The following TCTN1 variants were observed in gnomAD, a reference collection of about 807,000 sequenced individuals.
The protein encoded by TCTN1 is tectonic-1.
TCTN1 carries 58 observed loss-of-function variants against 65.8 expected under a neutral mutation model. That is an observed-to-expected ratio of 0.88 (90% CI 0.71 to 1.10). The LOEUF (loss-of-function observed/expected upper bound fraction) is 1.10. Among genes scored for constraint, TCTN1 ranks in the 50% least tolerant of loss-of-function variants. TCTN1 has a pLI of 0.00. For synonymous variants in TCTN1, 273 were observed against 289.1 expected (o/e 0.94, Z 0.57); for missense variants, 645 against 719.4 (o/e 0.90, Z 1.18).
In TCTN1 at chr12:110,640,545, T is replaced by C; in HGVS notation, c.978+28T>C. 1.2e-6 allele frequency: 2 copies of C among 1,614,050 alleles called. No individual in the cohort carries two copies. The highest frequency in any genetic ancestry group is 2.2e-5 in the South Asian group (2 of 91,072). ...AGGTGCCGAGTTTGGCTTTGAGAGC[T>C]TGTCTGTGGCAGACTTAAGCCTCTT... is the stretch of plus-strand genomic sequence containing the variant. On this transcript the variant is annotated intron_variant, in intron 8 of 14. Coordinates refer to ENST00000397659, the MANE Select transcript of TCTN1 (RefSeq NM_001082538.3). This position sits in a 1 kb window ranked among gnomAD's most constrained non-coding sequence, Gnocchi z 4.9.
Position 110,649,050 on chromosome 12 carries a change from A to C in TCTN1, c.*9A>C. ...TCTTTTTCTTTCTTTCAGAATGCTC[A>C]GATGCATCAGTTCCTTAATATACAC... is the stretch of plus-strand genomic sequence containing the variant. On this transcript the variant is annotated 3_prime_UTR_variant, in exon 15 of 15. Transcript: ENST00000397659. 1.9e-6 allele frequency: 1 copy of C among 525,536 alleles called. No individual in the cohort carries two copies. The highest frequency in any genetic ancestry group is 2.9e-4 in the Middle Eastern group (1 of 3,488). The allele number at this position is 525,536 out of a possible 1,614,324, so 32.6% of individuals were successfully genotyped here. A position where few individuals can be genotyped will look rare whatever the true frequency, so the allele number is the denominator to read the frequency against.
Position 110,649,053 on chromosome 12 carries a change from T to G in TCTN1, c.*12T>G, listed in dbSNP as rs1360745932. 1.9e-6 allele frequency: 1 copy of G among 532,246 alleles called. No homozygotes were observed. Among genetic ancestry groups the G allele is most frequent in the Non-Finnish European group, 3.6e-6 (1 of 278,428 alleles). 33.0% of individuals were successfully genotyped at this position (532,246 alleles called of 1,614,324 possible). A position where few individuals can be genotyped will look rare whatever the true frequency, so the allele number is the denominator to read the frequency against. On this transcript the variant is annotated 3_prime_UTR_variant, in exon 15 of 15. Transcript: ENST00000397659. The stretch of plus-strand genomic sequence containing the variant: ...TTTTCTTTCTTTCAGAATGCTCAGA[T>G]GCATCAGTTCCTTAATATACACGTG...
chr12:110,633,637 A>G (rs1301353779), intron 5 of TCTN1, among the ~76,000 whole-genome samples: 3 of 151,856 alleles, frequency 2.0e-5, no homozygotes, highest in African/African-American at 7.3e-5. Context: ...ACCCTGTCTC[A>G]AAGAAAAAAA....
Position 110,614,239 on chromosome 12 carries a change from C to A in TCTN1, c.57C>A (p.Ser19=), listed in dbSNP as rs779892252. Reference sequence around the variant, plus strand: ...TGGTGCTCCTGGGCTGCTGGGCCTCCGTGAGCGCCCAGACCGATGCCACCC... The same window carrying A: ...TGGTGCTCCTGGGCTGCTGGGCCTCAGTGAGCGCCCAGACCGATGCCACCC... The part of the protein sequence containing the change: ...LLVVLLGCWA[S]VSAQTDATPA... Residue 19 remains serine, a synonymous_variant, in exon 1 of 15, where the codon TCC becomes TCA. Coordinates refer to ENST00000397659, the MANE Select transcript of TCTN1 (RefSeq NM_001082538.3). The A allele has an allele frequency of 6.3e-7, 1 of 1,591,402 alleles. No individual in the cohort carries two copies. The highest frequency in any genetic ancestry group is 8.5e-7 in the Non-Finnish European group (1 of 1,169,722).
chr12:110,633,608 T>C (rs930155590), intron 5 of TCTN1, among the ~76,000 whole-genome samples: 1 of 149,622 alleles, frequency 6.7e-6, no homozygotes, highest in African/African-American at 2.5e-5. Context: ...CTGCACTCCA[T>C]CCTGGGTGAC....
chr12:110,623,278 T>C (rs1247899843), intron 2 of TCTN1, among the ~76,000 whole-genome samples: 1 of 152,188 alleles, frequency 6.6e-6, no homozygotes, highest in African/African-American at 2.4e-5. Flanking sequence ...AGACCATGAG[T>C]CGTTACCCAG....
At position 110,647,877 on chromosome 12, in the gene TCTN1, C is replaced by A; in HGVS notation, c.1764C>A (p.Phe588Leu). Residue 588 changes from phenylalanine to leucine, a missense_variant, in exon 14 of 15, where the codon TTC becomes TTA. Coordinates refer to ENST00000397659, the MANE Select transcript of TCTN1 (RefSeq NM_001082538.3). Reference protein sequence around the residue: ...AINARLPFNFFFPFV With the variant: ...AINARLPFNFLFPFV ...ATGCCAGGCTGCCCTTTAACTTCTT[C>A]TTCCCGTTTGTTTGACGTAAGTGAG... is the stretch of plus-strand genomic sequence containing the variant. 1 of 1,613,872 alleles carries A rather than the reference C, an allele frequency of 6.2e-7. No individual in the cohort carries two copies. The highest frequency in any genetic ancestry group is 8.5e-7 in the Non-Finnish European group (1 of 1,180,050).
At chr12:110,615,447 C>A (rs2064971178) in intron 1 of TCTN1, among the ~76,000 whole-genome samples, 1 of 152,010 alleles carries the variant, frequency 6.6e-6, no homozygotes, top group African/African-American at 2.4e-5. Context: ...TTGAGAGTAA[C>A]CCCAATAGAT....
chr12:110,648,144 T>C (rs1277488545), intron 14 of TCTN1, among the ~76,000 whole-genome samples: 1 of 152,112 alleles, frequency 6.6e-6, no homozygotes, highest in Non-Finnish European at 1.5e-5. Flanking sequence ...CTAATTTTAA[T>C]ATAGTTTGTA....
chr12:110,640,977 T>C lies in TCTN1; in HGVS notation c.979-47T>C. ...TGTTTTCAGTTATTCATACAGCTTC[T>C]GAAATGTAATGGAACAGGTATATTT... On this transcript the variant is annotated intron_variant, in intron 8 of 14. Transcript: ENST00000397659. The surrounding 1 kb of genome is among the most constrained non-coding windows in gnomAD (Gnocchi z 4.9). 6.2e-7 allele frequency: 1 copy of C among 1,613,712 alleles called. No individual in the cohort carries two copies. Among genetic ancestry groups the C allele is most frequent in the Non-Finnish European group, 8.5e-7 (1 of 1,179,738 alleles).
chr12:110,647,695 G>A (rs1333871440), intron 13 of TCTN1, 54 bp from the exon 14 acceptor site: 6 of 1,612,868 alleles, frequency 3.7e-6, no homozygotes, highest in Non-Finnish European at 5.1e-6. Flanking sequence ...TCTCATTGTT[G>A]TCATTCTGGG....
chr12:110,632,185 T>C (rs1304544593), intron 4 of TCTN1, among the ~76,000 whole-genome samples: 1 of 152,232 alleles, frequency 6.6e-6, no homozygotes, highest in Non-Finnish European at 1.5e-5. Flanking sequence ...ACCTAGTTCC[T>C]GTCTGCAGAG....
chr12:110,631,335 G>C (rs1236746159), intron 4 of TCTN1, among the ~76,000 whole-genome samples: 1 of 148,386 alleles, frequency 6.7e-6, no homozygotes, highest in Non-Finnish European at 1.5e-5. Context: ...TAGAGCTGTA[G>C]TTTACAAAAT....
intron 4 of TCTN1, among the ~76,000 whole-genome samples, chr12:110,631,280 C>T (rs528108119): frequency 1.7e-3 from 64 of 38,230 alleles, no homozygotes; most frequent in Admixed American, 0.014. Context: ...TCGCCTCGGC[C>T]TCCCAAAGTG....
intron 5 of TCTN1, chr12:110,634,261 C>T (rs2066413218): frequency 2.8e-6 from 1 of 356,824 alleles, no homozygotes; most frequent in African/African-American, 2.1e-5. Context: ...CCAGTTGCCT[C>T]TGGAGAAGGG....
intron 2 of TCTN1, 91 bp downstream of exon 2, chr12:110,620,047 C>G: frequency 1.3e-6 from 2 of 1,576,702 alleles, no homozygotes; most frequent in Non-Finnish European, 1.7e-6. Context: ...GGCTTAAAAA[C>G]CCAAACCTGA....
At chr12:110,618,804 AAT>A (rs2065223270) in intron 1 of TCTN1, among the ~76,000 whole-genome samples, 2 of 152,296 alleles carry the variant, frequency 1.3e-5, no homozygotes, top group African/African-American at 4.8e-5. Context: ...TATTTGACAG[AAT>A]AAGATAGAGA....
At chr12:110,641,840 G>A (rs2066977620) in intron 10 of TCTN1, 3 of 575,958 alleles carry the variant, frequency 5.2e-6, no homozygotes, top group South Asian at 2.3e-5. Flanking sequence ...GAGACAGCAC[G>A]TCCTGGGAAA....
intron 1 of TCTN1, among the ~76,000 whole-genome samples, chr12:110,615,783 C>T (rs2064996360): frequency 6.6e-6 from 1 of 152,152 alleles, no homozygotes; most frequent in Admixed American, 6.6e-5. Context: ...TGTGCCCAGC[C>T]TATCCCTTCT....
Sources: allele counts gnomAD v4.1 joint callset (sites outside exome capture counted in the v4.1 genomes callset), GRCh38; gene constraint gnomAD v4.1.1; non-coding constraint Gnocchi (gnomAD v3.1); transcripts MANE v1.5; gene names NCBI Gene and HGNC (gene_info 2026-07-23, HGNC 2026-07-21).